The following GRIA1 variants were observed in gnomAD, a reference collection of about 807,000 sequenced individuals.
The protein encoded by GRIA1 is glutamate receptor 1.
In GRIA1, 31 loss-of-function variants were observed where a neutral mutation model predicts 99.2. The observed-to-expected ratio is 0.31, with a 90% CI of 0.23 to 0.42. The LOEUF (loss-of-function observed/expected upper bound fraction) is 0.42, where lower values mean the gene tolerates loss of function less well. Ranked by LOEUF, GRIA1 falls within the 10% of genes least tolerant of loss-of-function variation. The pLI, the probability that GRIA1 is intolerant of heterozygous loss-of-function variation, is 1.00. For synonymous variants in GRIA1, 438 were observed against 432.4 expected, an observed-to-expected ratio of 1.01 and a Z score of -0.16; for missense variants, 782 against 1,157.5, an observed-to-expected ratio of 0.68 and a Z score of 4.71.
chr5:153,528,715 G>A (rs1757831622), intron 2 of GRIA1, among the ~76,000 whole-genome samples: 2 of 152,266 alleles, frequency 1.3e-5, no homozygotes, highest in South Asian at 4.1e-4. Context: ...TCCAAAACTG[G>A]TCTTCATCCA....
At chr5:153,537,211 C>G (rs926561987) in intron 2 of GRIA1, among the ~76,000 whole-genome samples, 5 of 152,212 alleles carry the variant, frequency 3.3e-5, no homozygotes, top group Non-Finnish European at 7.3e-5. Flanking sequence ...GATGTCTGCT[C>G]TCCTCCATAT....
chr5:153,514,368 A>C (rs1396105357), intron 2 of GRIA1, among the ~76,000 whole-genome samples: 1 of 152,172 alleles, frequency 6.6e-6, no homozygotes, highest in African/African-American at 2.4e-5. Context: ...ATTCTTGTGT[A>C]AGGGATGAGA....
chr5:153,537,375 C>A (rs1276244520), intron 2 of GRIA1, among the ~76,000 whole-genome samples: 1 of 152,156 alleles, frequency 6.6e-6, no homozygotes, highest in African/African-American at 2.4e-5. Flanking sequence ...TAGCGAAGGG[C>A]CCCGTGGAGC....
At chr5:153,724,417 G>C (rs1396316123) in intron 11 of GRIA1, among the ~76,000 whole-genome samples, 1 of 152,216 alleles carries the variant, frequency 6.6e-6, no homozygotes, top group South Asian at 2.1e-4. Context: ...GACGAGTTGA[G>C]AGAGGAAGGC....
At position 153,639,516 on chromosome 5, in the gene GRIA1, T is replaced by C. The variant is rs531167755; in HGVS notation, c.221-7412T>C. 1.4e-4 allele frequency among the ~76,000 whole-genome samples: 21 copies of C among 152,326 alleles called. No individual in the cohort carries two copies. In the South Asian group the frequency reaches 4.4e-3, roughly 32 times the overall value. On this transcript the variant is annotated intron_variant, in intron 2 of 15. Coordinates refer to ENST00000285900, the MANE Select transcript of GRIA1 (RefSeq NM_000827.4). ...TAGCCTGGCTGGCTCCTTCTTAGGG[T>C]TCATTTCTCAGCTCCAATGCTAGTG...
chr5:153,719,020 C>T (rs1483770788), intron 11 of GRIA1, among the ~76,000 whole-genome samples: 1 of 152,220 alleles, frequency 6.6e-6, no homozygotes, highest in Non-Finnish European at 1.5e-5. Flanking sequence ...CCTGCCAAAC[C>T]AGACTGTCCA....
intron 2 of GRIA1, among the ~76,000 whole-genome samples, chr5:153,517,005 G>A (rs543092385): frequency 2.0e-5 from 3 of 152,218 alleles, no homozygotes; most frequent in Non-Finnish European, 4.4e-5. Context: ...GACAAATGAC[G>A]AAATATTGGG....
chr5:153,613,722 T>G (rs1365134867), intron 2 of GRIA1, among the ~76,000 whole-genome samples: 4 of 151,170 alleles, frequency 2.6e-5, no homozygotes, highest in African/African-American at 2.4e-5. Context: ...TTTTTTTTTT[T>G]GTCAGCCATC....
chr5:153,685,137 G>T (rs935166437), intron 7 of GRIA1, among the ~76,000 whole-genome samples: 1 of 152,182 alleles, frequency 6.6e-6, no homozygotes, highest in Non-Finnish European at 1.5e-5. Flanking sequence ...CACAGGGTTG[G>T]ATTTGTATTT....
At chr5:153,806,806 A>T (rs1581689547) in intron 15 of GRIA1, among the ~76,000 whole-genome samples, 1 of 152,228 alleles carries the variant, frequency 6.6e-6, no homozygotes, top group African/African-American at 2.4e-5. Context: ...TAACCATGCA[A>T]TAAGTTGTTC....
chr5:153,726,372 G>T (rs1163005820), intron 11 of GRIA1, among the ~76,000 whole-genome samples: 1 of 147,426 alleles, frequency 6.8e-6, no homozygotes, highest in Non-Finnish European at 1.5e-5. Context: ...CTAGCAGAAG[G>T]CAAGAAATAA....
chr5:153,764,934 G>A (rs1043262107), intron 12 of GRIA1, among the ~76,000 whole-genome samples: 6 of 152,158 alleles, frequency 3.9e-5, no homozygotes, highest in Admixed American at 2.0e-4. Context: ...CTGTTATCAC[G>A]GAAACCTTAT....
intron 11 of GRIA1, among the ~76,000 whole-genome samples, chr5:153,755,846 C>A (rs11748890): frequency 0.6 from 90,884 of 152,038 alleles, 27,915 homozygotes; most frequent in East Asian, 0.94. Flanking sequence ...AAGACCTAAG[C>A]AGGCTGTTTT....
rs1274817416 is a variant in GRIA1, at chr5:153,742,087, T to C, written c.1824-22347T>C. On this transcript the variant is annotated intron_variant, in intron 11 of 15. Transcript: ENST00000285900. The stretch of plus-strand genomic sequence containing the variant: ...TTATACAACCTAAAGTTTAAGTAAA[T>C]ATAATAGCTAGGAAAGATACGAAAA... 4.6e-5 allele frequency among the ~76,000 whole-genome samples: 7 copies of C among 151,864 alleles called. No individual in the cohort carries two copies. In the East Asian group the frequency reaches 1.4e-3, roughly 29 times the overall value.
intron 7 of GRIA1, among the ~76,000 whole-genome samples, chr5:153,684,175 C>T (rs962863135): frequency 6.6e-6 from 1 of 152,120 alleles, no homozygotes; most frequent in Non-Finnish European, 1.5e-5. Flanking sequence ...AGATCATAAT[C>T]TCTAAATGGC....
In GRIA1 at chr5:153,588,396, T is replaced by C. The variant is rs1295688932; in HGVS notation, c.221-58532T>C. ...CTACTCCAAAAAATGTCAGTTGTTT[T>C]TCTAGTGCCTGCAATGTAAGGCCTA... On this transcript the variant is annotated intron_variant, in intron 2 of 15. Coordinates refer to ENST00000285900, the MANE Select transcript of GRIA1 (RefSeq NM_000827.4). 2.0e-5 allele frequency among the ~76,000 whole-genome samples: 3 copies of C among 152,222 alleles called. No individual in the cohort carries two copies. The East Asian group carries it at 5.8e-4, about 29-fold the overall frequency.
intron 1 of GRIA1, among the ~76,000 whole-genome samples, chr5:153,493,467 T>G (rs1298281763): frequency 6.6e-6 from 1 of 152,144 alleles, no homozygotes; most frequent in African/African-American, 2.4e-5. Context: ...AGAGCTAGAT[T>G]TCAATCACCC....
intron 15 of GRIA1, 30 bp from the exon 16 acceptor site, chr5:153,810,995 C>A: frequency 6.4e-7 from 1 of 1,559,118 alleles, no homozygotes; most frequent in South Asian, 1.1e-5. Context: ...GCCAAGGACC[C>A]GGGGAAGAAC....
intron 5 of GRIA1, among the ~76,000 whole-genome samples, chr5:153,667,681 C>G (rs928786141): frequency 3.9e-5 from 6 of 152,182 alleles, no homozygotes; most frequent in Admixed American, 2.6e-4. Context: ...AACTGAGCCT[C>G]AGAGAGGTTA....
Sources: allele counts gnomAD v4.1 joint callset (sites outside exome capture counted in the v4.1 genomes callset), GRCh38; gene constraint gnomAD v4.1.1; transcripts MANE v1.5; gene names NCBI Gene and HGNC (gene_info 2026-07-23, HGNC 2026-07-21).